Variants in MYO15A observed in about 807,000 individuals in gnomAD.
MYO15A encodes unconventional myosin-XV.
MYO15A carries 308 observed loss-of-function variants against 394.6 expected under a neutral mutation model. That is an observed-to-expected ratio of 0.78 (90% confidence interval 0.71 to 0.86). MYO15A has a LOEUF of 0.86. Among genes scored for constraint, MYO15A ranks in the 40% least tolerant of loss-of-function variants. The pLI, the probability that MYO15A is intolerant of heterozygous loss-of-function variation, is 0.00. For missense variants in MYO15A, 4,606 were observed against 4,799.1 expected (o/e 0.96, Z 1.19); for synonymous variants, 1,957 against 2,003.8 (o/e 0.98, Z 0.62).
chr17:18,137,975 A>AG (rs2046309067), intron 16 of MYO15A, 140 bp from the exon 17 acceptor site: 5 of 1,175,030 alleles, frequency 4.3e-6, no homozygotes, highest in South Asian at 1.5e-5. Context: ...CTGCCTTATT[A>AG]GGGGGTGAGC....
rs767875001 is a variant in MYO15A at position 18,166,417 on chromosome 17, A to G, written c.9844A>G (p.Met3282Val). The change falls in exon 61 of 66, where the codon ATG becomes GTG. Residue 3282 changes from methionine (M) to valine (V), a missense_variant. Met to Val is a conservative substitution (Grantham distance 21). Transcript: ENST00000647165. ...RAYILDVASE[M>V]EQVDGGYMLW... ...TTACATCCTGGATGTGGCCTCAGAG[A>G]TGGAGCAGGTGGACGGCGGCTACAT... 6.2e-7 allele frequency: 1 copy of G among 1,614,032 alleles called. No individual in the cohort carries two copies.
chr17:18,120,984 C>A lies in MYO15A; in HGVS notation c.2184C>A (p.Ser728Arg). The A allele has an allele frequency of 2.7e-6, 4 of 1,502,378 alleles. No homozygotes were observed. Among genetic ancestry groups the A allele is most frequent in the Admixed American group, 2.1e-5 (1 of 48,118 alleles). 93.1% of individuals were successfully genotyped at this position (1,502,378 alleles called of 1,614,324 possible). ...WWAFVEPPAV[S>R]PEVPPDLLAF... ...CCTTCGTGGAGCCCCCTGCCGTGAGCCCGGAGGTGCCCCCCGACCTACTAG... is the reference window on the plus strand; with the variant it reads ...CCTTCGTGGAGCCCCCTGCCGTGAGACCGGAGGTGCCCCCCGACCTACTAG... Residue 728 changes from serine (S) to arginine (R), a missense_variant, in exon 2 of 66, where the codon AGC (serine) becomes AGA (arginine). Physicochemically the swap from Ser to Arg is moderately radical, Grantham distance 110. Around this residue, in one of 2 missense-constraint regions of MYO15A, gnomAD observed 1,830 missense variants for 1,689.7 expected, o/e 1.08. Coordinates refer to ENST00000647165, the MANE Select transcript of MYO15A (RefSeq NM_016239.4).
At chr17:18,157,339 G>T in intron 50 of MYO15A, 109 bp downstream of exon 50, 1 of 1,438,548 alleles carries the variant, frequency 7.0e-7, no homozygotes, top group Non-Finnish European at 9.6e-7. Flanking sequence ...GGCCTGGGCT[G>T]GTCAGGTCTC....
chr17:18,169,964 C>G (rs1157512490), intron 62 of MYO15A, among the ~76,000 whole-genome samples: 1 of 115,058 alleles, frequency 8.7e-6, no homozygotes, highest in South Asian at 2.7e-4. Context: ...GAGCAAGACC[C>G]TGTCTCAAAA....
chr17:18,120,957 G>T lies in MYO15A; in HGVS notation c.2157G>T (p.Trp719Cys), dbSNP rs1311347359. Residue 719 changes from tryptophan to cysteine, a missense_variant, in exon 2 of 66, where the codon TGG (tryptophan) becomes TGT (cysteine). This residue lies in a region of MYO15A where 1,830 missense variants were observed against 1,689.7 expected (regional missense o/e 1.08). Transcript: ENST00000647165. ...HVPPAPQASW[W>C]AFVEPPAVSP... ...CACCGGCGCCGCAGGCCAGCTGGTG[G>T]GCCTTCGTGGAGCCCCCTGCCGTGA... The T allele has an allele frequency of 7.4e-6, 11 of 1,483,364 alleles. No homozygotes were observed. In the South Asian group the frequency reaches 1.4e-4, roughly 19 times the overall value. The allele number at this position is 1,483,364 out of a possible 1,614,324, so 91.9% of individuals were successfully genotyped here.
chr17:18,159,886 C>T lies in MYO15A; in HGVS notation c.9304-49C>T, dbSNP rs376121893. The T allele has an allele frequency of 5.6e-6, 9 of 1,595,096 alleles. No individual in the cohort carries two copies. In the African/African-American group the frequency reaches 1.1e-4, roughly 19 times the overall value. Reference sequence around the variant, plus strand: ...CTGTTCTTATGTACCTGGTATATGACATAGCCCCTCACATGTCTTTGGTGT... The same window carrying T: ...CTGTTCTTATGTACCTGGTATATGATATAGCCCCTCACATGTCTTTGGTGT... On this transcript the variant is annotated intron_variant, in intron 55 of 65. Transcript: ENST00000647165.
In MYO15A at chr17:18,120,144, C is replaced by T. The variant is rs565601169; in HGVS notation, c.1344C>T (p.Thr448=). The part of the protein sequence containing the change: ...PEDAGVERQG[T]SFRLPSAAFF... ...ACGCGGGCGTAGAGCGTCAGGGGAC[C>T]TCCTTCCGCCTGCCCAGCGCCGCCT... Residue 448 remains threonine (T), a synonymous_variant, in exon 2 of 66, where the codon ACC becomes ACT. Coordinates refer to ENST00000647165, the MANE Select transcript of MYO15A (RefSeq NM_016239.4). 9 of 1,612,924 alleles carry T rather than the reference C, an allele frequency of 5.6e-6. No homozygotes were observed. Among genetic ancestry groups the T allele is most frequent in the East Asian group, 2.2e-5 (1 of 44,876 alleles).
intron 1 of MYO15A, 90 bp from the exon 2 acceptor site, chr17:18,118,492 A>G: frequency 2.3e-6 from 1 of 443,528 alleles, no homozygotes. Flanking sequence ...GACGACTCCG[A>G]GGCCAGAATG....
At chr17:18,139,656 C>T (rs2046343934) in intron 19 of MYO15A, 45 bp downstream of exon 19, 13 of 1,430,650 alleles carry the variant, frequency 9.1e-6, no homozygotes, top group Middle Eastern at 1.8e-4. Context: ...CCAGGCATGT[C>T]CCCACCCCCA....
chr17:18,169,157 T>TAATAATAA (rs369888022), intron 62 of MYO15A, among the ~76,000 whole-genome samples: 3 of 92,132 alleles, frequency 3.3e-5, no homozygotes, highest in East Asian at 4.4e-4. Flanking sequence ...ATAATAATAA[T>TAATAATAA]AAAAATAGGC....
In MYO15A at chr17:18,117,473, C is replaced by T. The variant is rs2045806371; in HGVS notation, c.-219-1109C>T. Among the ~76,000 whole-genome samples, 1 of 152,194 alleles carries T rather than the reference C, an allele frequency of 6.6e-6. No individual in the cohort carries two copies. Among genetic ancestry groups the T allele is most frequent in the African/African-American group, 2.4e-5 (1 of 41,450 alleles). On this transcript the variant is annotated intron_variant, in intron 1 of 65. Transcript: ENST00000647165. The surrounding 1 kb of genome is among the most constrained non-coding windows in gnomAD (Gnocchi z 4.1). ...CCTTGCTGCTTTGGGGTCTCCTATG[C>T]TAAACCTTAAACAACCAAAGAATTA...
At chr17:18,118,067 A>AAC (rs141242287) in intron 1 of MYO15A, among the ~76,000 whole-genome samples, 106 of 149,984 alleles carry the variant, frequency 7.1e-4, no homozygotes, top group Middle Eastern at 6.9e-3. Flanking sequence ...CCCCCGCCCC[A>AAC]ACACACACAC....
At chr17:18,163,408 C>CTA (rs1195944799) in intron 59 of MYO15A, 87 bp downstream of exon 59, 1 of 1,377,854 alleles carries the variant, frequency 7.3e-7, no homozygotes, top group African/African-American at 1.4e-5. Flanking sequence ...TGGAGTAAGC[C>CTA]CCCAATGATG....
Position 18,159,942 on chromosome 17 carries a change from G to A in MYO15A, c.9311G>A (p.Gly3104Glu). 6.2e-7 allele frequency: 1 copy of A among 1,614,070 alleles called. No individual in the cohort carries two copies. Among genetic ancestry groups the A allele is most frequent in the South Asian group, 1.1e-5 (1 of 91,058 alleles). Residue 3104 changes from glycine (G) to glutamate (E), a missense_variant, in exon 56 of 66, where the codon GGG becomes GAG. Gly to Glu is a moderately conservative substitution (Grantham distance 98, BLOSUM62 -2). Around this residue, in one of 2 missense-constraint regions of MYO15A, gnomAD observed 2,776 missense variants for 3,109.3 expected, o/e 0.89. Coordinates refer to ENST00000647165, the MANE Select transcript of MYO15A (RefSeq NM_016239.4). ...DVLCNLLKLC[G>E]DHEVMRDECY... is the part of the protein sequence containing the mutation. ...CTCCCTGCCCCCCTTCAGCTGTGCG[G>A]GGACCATGAGGTCATGCGGGATGAA... is the stretch of plus-strand genomic sequence containing the variant.
chr17:18,157,308 G>A (rs1451466830), intron 50 of MYO15A, 78 bp downstream of exon 50: 1 of 1,538,618 alleles, frequency 6.5e-7, no homozygotes, highest in Middle Eastern at 1.7e-4. Flanking sequence ...GCACAGTGAG[G>A]GTTTCTTGGT....
intron 64 of MYO15A, among the ~76,000 whole-genome samples, chr17:18,172,939 A>AC: frequency 6.6e-6 from 1 of 152,110 alleles, no homozygotes; most frequent in Non-Finnish European, 1.5e-5. Flanking sequence ...AGGACCTGTT[A>AC]CCCCCTTAGT....
chr17:18,157,659 A>G (rs1310509533), intron 50 of MYO15A, 63 bp from the exon 51 acceptor site: 3 of 1,597,128 alleles, frequency 1.9e-6, no homozygotes, highest in South Asian at 1.1e-5. Context: ...ATCTCCCTAA[A>G]GGACCCCCTT....
At position 18,150,041 on chromosome 17, in the gene MYO15A, GA is replaced by G. The variant is rs748499670; in HGVS notation, c.7213-387del. 14 of 338,514 alleles carry G rather than the reference GA, an allele frequency of 4.1e-5. No individual in the cohort carries two copies. Among genetic ancestry groups the G allele is most frequent in the Non-Finnish European group, 6.7e-5 (12 of 179,850 alleles). 21.0% of individuals were successfully genotyped at this position (338,514 alleles called of 1,614,324 possible). The stretch of plus-strand genomic sequence containing the variant: ...CCACTAAAATATCTCTATCTGGATG[GA>G]GTTGAATGACCTTGGTCCCCGGGTC... On this transcript the variant is annotated intron_variant, in intron 35 of 65. Transcript: ENST00000647165. The surrounding 1 kb of genome is among the most constrained non-coding windows in gnomAD (Gnocchi z 4.4).
rs1216920025 is a variant in MYO15A, at chr17:18,143,550, A to G, written c.5911-16A>G. The G allele has an allele frequency of 1.3e-6, 2 of 1,552,992 alleles. No individual in the cohort carries two copies. The highest frequency in any genetic ancestry group is 1.7e-6 in the Non-Finnish European group (2 of 1,148,356). On this transcript the variant is annotated splice_polypyrimidine_tract_variant and intron_variant, in intron 25 of 65. Coordinates refer to ENST00000647165, the MANE Select transcript of MYO15A (RefSeq NM_016239.4). ...TCTGCCTGCCACTCCCCAACCTGACATCTTCTCTTCTGAAGCTGAGGGCAG... is the reference window on the plus strand; with the variant it reads ...TCTGCCTGCCACTCCCCAACCTGACGTCTTCTCTTCTGAAGCTGAGGGCAG...
Sources: allele counts gnomAD v4.1 joint callset (sites outside exome capture counted in the v4.1 genomes callset), GRCh38; gene constraint gnomAD v4.1.1; regional missense constraint gnomAD v4.1.1; non-coding constraint Gnocchi (gnomAD v3.1); transcripts MANE v1.5; gene names NCBI Gene and HGNC (gene_info 2026-07-23, HGNC 2026-07-21).